Variants in ZC3H7A observed in about 807,000 individuals in gnomAD.
ZC3H7A encodes zinc finger CCCH domain-containing protein 7A.
Under a neutral mutation model 125.5 loss-of-function variants are expected in ZC3H7A, and 44 were observed. That is an observed-to-expected ratio of 0.35 (90% CI 0.28 to 0.45). The LOEUF (loss-of-function observed/expected upper bound fraction) is 0.45, where lower values mean the gene tolerates loss of function less well. Among genes scored for constraint, ZC3H7A ranks in the 20% least tolerant of loss-of-function variants. The pLI is 1.00. For missense variants in ZC3H7A, 977 were observed against 1,170.7 expected (o/e 0.83, Z 2.41); for synonymous variants, 399 against 391.2 (o/e 1.02, Z -0.23).
chr16:11,790,595 A>C (rs1444967894), intron 1 of ZC3H7A, among the ~76,000 whole-genome samples: 1 of 151,946 alleles, frequency 6.6e-6, no homozygotes, highest in East Asian at 1.9e-4. Flanking sequence ...GCTGGAGTGC[A>C]ATGGCACGAT....
At chr16:11,774,019 G>A (rs750855528) in intron 9 of ZC3H7A, among the ~76,000 whole-genome samples, 36 of 151,350 alleles carry the variant, frequency 2.4e-4, no homozygotes, top group Non-Finnish European at 2.9e-4. Context: ...ATATGAATTG[G>A]AAAAAAATTG....
At chr16:11,790,603 G>A (rs2053333637) in intron 1 of ZC3H7A, among the ~76,000 whole-genome samples, 1 of 151,950 alleles carries the variant, frequency 6.6e-6, no homozygotes, top group African/African-American at 2.4e-5. Context: ...GCAATGGCAC[G>A]ATCTCGGCTC....
Position 11,750,631 on chromosome 16 carries a change from C to T in ZC3H7A, c.*686G>A, listed in dbSNP as rs2052540109. ...AATCTTTATTACAGGCAGTATTGGT[C>T]CATACACTAACACAATACCAACAGT... On this transcript the variant is annotated 3_prime_UTR_variant, in exon 23 of 23. Coordinates refer to ENST00000355758, the MANE Select transcript of ZC3H7A (RefSeq NM_014153.4). 6.6e-6 allele frequency: 1 copy of T among 152,500 alleles called. No individual in the cohort carries two copies. The highest frequency in any genetic ancestry group is 2.4e-5 in the African/African-American group (1 of 41,420). 9.4% of individuals were successfully genotyped at this position (152,500 alleles called of 1,614,324 possible).
intron 1 of ZC3H7A, among the ~76,000 whole-genome samples, chr16:11,790,700 C>T (rs750573364): frequency 2.6e-5 from 4 of 151,908 alleles, no homozygotes; most frequent in Admixed American, 1.3e-4. Flanking sequence ...CCAAAACGCC[C>T]GGCTAATTTT....
chr16:11,765,549 A>C lies in ZC3H7A; in HGVS notation c.1659T>G (p.Ile553Met), dbSNP rs746546616. The C allele has an allele frequency of 6.2e-7, 1 of 1,614,236 alleles. No homozygotes were observed. The highest frequency in any genetic ancestry group is 1.7e-5 in the Admixed American group (1 of 60,034). The change falls in exon 14 of 23, where the codon ATT (isoleucine) becomes ATG (methionine). Residue 553 changes from isoleucine (I) to methionine (M), a missense_variant. Ile to Met is a conservative substitution (Grantham distance 10, BLOSUM62 1). Transcript: ENST00000355758. This position sits in a 1 kb window ranked among gnomAD's most constrained non-coding sequence, Gnocchi z 4.8. ...GGAGAAGTTTGAACACAGTAAGGTT[A>C]ATCTTTCCATTGCCGCCAAAGAAAG... Reference protein sequence around the residue: ...REAFFGGNGKINLTVFKLLQE... With the variant: ...REAFFGGNGKMNLTVFKLLQE...
chr16:11,751,203 C>T lies in ZC3H7A; in HGVS notation c.*114G>A, dbSNP rs535382647. The T allele has an allele frequency of 5.8e-5, 67 of 1,160,070 alleles. No individual in the cohort carries two copies. The highest frequency in any genetic ancestry group is 7.1e-5 in the Non-Finnish European group (60 of 848,026). 71.9% of individuals were successfully genotyped at this position (1,160,070 alleles called of 1,614,324 possible). ...ACTGTGGGTTGCTGCTCAGGAGGAACGATATACGCCAATACAAGCAGGAAA... is the reference window on the plus strand; with the variant it reads ...ACTGTGGGTTGCTGCTCAGGAGGAATGATATACGCCAATACAAGCAGGAAA... On this transcript the variant is annotated 3_prime_UTR_variant, in exon 23 of 23. Coordinates refer to ENST00000355758, the MANE Select transcript of ZC3H7A (RefSeq NM_014153.4).
intron 1 of ZC3H7A, among the ~76,000 whole-genome samples, chr16:11,792,036 T>C (rs778543432): frequency 2.0e-5 from 3 of 152,166 alleles, no homozygotes; most frequent in Non-Finnish European, 4.4e-5. Context: ...GCCTCCCAAG[T>C]AGCTGGAACT....
chr16:11,751,509 G>A lies in ZC3H7A; in HGVS notation c.2727-3C>T. 6.2e-7 allele frequency: 1 copy of A among 1,610,564 alleles called. No individual in the cohort carries two copies. The highest frequency in any genetic ancestry group is 8.5e-7 in the Non-Finnish European group (1 of 1,178,814). On this transcript the variant is annotated splice_polypyrimidine_tract_variant and splice_region_variant and intron_variant, in intron 22 of 22. Coordinates refer to ENST00000355758, the MANE Select transcript of ZC3H7A (RefSeq NM_014153.4). ...CTGGGCAGGTGCCATTCATATACCT[G>A]TAAGGAGAAGTCAGCTGCTCAGTGT...
At chr16:11,769,751 T>TAA (rs1310474168) in intron 10 of ZC3H7A, among the ~76,000 whole-genome samples, 1 of 123,760 alleles carries the variant, frequency 8.1e-6, no homozygotes, top group African/African-American at 3.2e-5. Flanking sequence ...CCATAACATT[T>TAA]AAAAAAAAAT....
chr16:11,780,799 TAG>T, intron 3 of ZC3H7A, among the ~76,000 whole-genome samples: 1 of 152,276 alleles, frequency 6.6e-6, no homozygotes, highest in East Asian at 1.9e-4. Context: ...AACCAATAGT[TAG>T]TAGAGACAAG....
intron 9 of ZC3H7A, among the ~76,000 whole-genome samples, chr16:11,771,320 G>A (rs1035254282): frequency 2.6e-5 from 4 of 151,670 alleles, no homozygotes; most frequent in Non-Finnish European, 4.4e-5. Flanking sequence ...CCCAGGAGGC[G>A]GAGCTTGCAG....
rs765757160 is a variant in ZC3H7A, at chr16:11,768,467, T to G, written c.1208A>C (p.Asn403Thr). Residue 403 changes from asparagine to threonine, a missense_variant, in exon 12 of 23, where the codon AAT (asparagine) becomes ACT (threonine). Asn to Thr is a moderately conservative substitution (Grantham distance 65). Transcript: ENST00000355758. The stretch of plus-strand genomic sequence containing the variant: ...AGGCTGACTTGAAATTCCCAGGAAA[T>G]TCTCTGAAGCAAACAAACTACCTGG... Reference protein sequence around the residue: ...NGPGSLFASENFLGISSQPRN... With the variant: ...NGPGSLFASETFLGISSQPRN... 1 of 1,511,492 alleles carries G rather than the reference T, an allele frequency of 6.6e-7. No homozygotes were observed. Among genetic ancestry groups the G allele is most frequent in the Non-Finnish European group, 9.0e-7 (1 of 1,116,596 alleles). The allele number at this position is 1,511,492 out of a possible 1,614,324, so 93.6% of individuals were successfully genotyped here.
At chr16:11,764,967 C>T (rs567365600) in intron 15 of ZC3H7A, 86 bp downstream of exon 15, 1 of 896,412 alleles carries the variant, frequency 1.1e-6, no homozygotes, top group South Asian at 1.7e-5. Flanking sequence ...AGGGCAATGC[C>T]TGGACAGACA....
At chr16:11,764,115 G>C (rs1156373387) in intron 15 of ZC3H7A, among the ~76,000 whole-genome samples, 1 of 151,518 alleles carries the variant, frequency 6.6e-6, no homozygotes, top group African/African-American at 2.4e-5. Context: ...ATTTTTATCG[G>C]AAAAAAAATC....
At position 11,762,036 on chromosome 16, in the gene ZC3H7A, C is replaced by G. The variant is rs761299928; in HGVS notation, c.2087G>C (p.Gly696Ala). 1.2e-6 allele frequency: 2 copies of G among 1,603,150 alleles called. No individual in the cohort carries two copies. The highest frequency in any genetic ancestry group is 3.5e-5 in the Admixed American group (2 of 57,460). The change falls in exon 18 of 23, where the codon GGT becomes GCT. Residue 696 changes from glycine to alanine, a missense_variant. Physicochemically the swap from Gly to Ala is moderately conservative, Grantham distance 60 (BLOSUM62 0). Coordinates refer to ENST00000355758, the MANE Select transcript of ZC3H7A (RefSeq NM_014153.4). ...AAGAAATCCAGGCATTATTTGATTACCAAGTACCTTAAACAATTAAAAGAT... is the reference window on the plus strand; with the variant it reads ...AAGAAATCCAGGCATTATTTGATTAGCAAGTACCTTAAACAATTAAAAGAT... ...EANVPGAQVL[G>A]NQIMPGFLNM...
rs66812605 is a variant in ZC3H7A, at chr16:11,760,122, G to GAAAAAAAAAAAA, written c.2319+1272_2319+1283dup. Among the ~76,000 whole-genome samples the GAAAAAAAAAAAA allele has an allele frequency of 2.3e-3, 191 of 82,524 alleles. 1 individual carries two copies. The highest frequency in any genetic ancestry group is 2.5e-3 in the Non-Finnish European group (118 of 46,662). The allele number at this position is 82,524 out of a possible 152,430, so 54.1% of individuals were successfully genotyped here. On this transcript the variant is annotated intron_variant, in intron 19 of 22. Coordinates refer to ENST00000355758, the MANE Select transcript of ZC3H7A (RefSeq NM_014153.4). ...CCTGGGTGACAGAGCAAGAAAAAATGAAAAAAAAAAAAAAAAAAAAAAAGA... is the reference window on the plus strand; with the variant it reads ...CCTGGGTGACAGAGCAAGAAAAAATGAAAAAAAAAAAAAAAAAAAAAAAAAAAAAAAAAAAGA...
rs181798319 is a variant in ZC3H7A, at chr16:11,764,098, A to G, written c.1821-439T>C. Among the ~76,000 whole-genome samples, 478 of 151,956 alleles carry G rather than the reference A, an allele frequency of 3.1e-3. 2 individuals are homozygous for G. The highest frequency in any genetic ancestry group is 0.01 in the African/African-American group (432 of 41,478). ...CGTGAGCCATGGAGCCCAGCCCTACATTTTAAATTTTTATCGGAAAAAAAA... is the reference window on the plus strand; with the variant it reads ...CGTGAGCCATGGAGCCCAGCCCTACGTTTTAAATTTTTATCGGAAAAAAAA... On this transcript the variant is annotated intron_variant, in intron 15 of 22. Transcript: ENST00000355758.
At chr16:11,755,229 G>C (rs1052365980) in intron 21 of ZC3H7A, among the ~76,000 whole-genome samples, 3 of 149,120 alleles carry the variant, frequency 2.0e-5, no homozygotes, top group Admixed American at 2.0e-4. Context: ...AAAAAAAATA[G>C]AATAAATGTG....
intron 9 of ZC3H7A, among the ~76,000 whole-genome samples, chr16:11,771,689 T>G (rs57592660): frequency 6.6e-6 from 1 of 151,828 alleles, no homozygotes; most frequent in Non-Finnish European, 1.5e-5. Flanking sequence ...TTAGTAGAGA[T>G]GGGGTTTTGC....
Sources: gnomAD v4.1 joint callset for allele counts (sites outside exome capture counted in the v4.1 genomes callset) on GRCh38, gnomAD v4.1.1 for gene constraint, Gnocchi (gnomAD v3.1) non-coding constraint, MANE v1.5 for transcripts, NCBI Gene and HGNC (gene_info 2026-07-23, HGNC 2026-07-21) for gene names.